Variants in YAF2 observed in about 807,000 individuals in gnomAD.
The protein encoded by YAF2 is YY1-associated factor 2.
Under a neutral mutation model 20.1 loss-of-function variants are expected in YAF2, and 7 were observed. The ratio of observed to expected loss-of-function variants is 0.35; its 90% CI spans 0.20 to 0.65. The LOEUF (loss-of-function observed/expected upper bound fraction) is 0.65, where lower values mean the gene tolerates loss of function less well. YAF2 is among the 30% of genes least tolerant of loss of function. The pLI is 0.69. For synonymous variants in YAF2, 74 were observed against 76.0 expected (o/e 0.97, Z 0.14); for missense variants, 151 against 219.2 (o/e 0.69, Z 1.96).
intron 2 of YAF2, chr12:42,232,826 ACT>A: frequency 2.0e-6 from 2 of 985,346 alleles, no homozygotes; most frequent in Non-Finnish European, 2.4e-6. Context: ...AGCTGAAATA[ACT>A]CACTCTTTTT....
intron 2 of YAF2, among the ~76,000 whole-genome samples, chr12:42,162,124 A>G (rs1270610650): frequency 6.6e-6 from 1 of 152,228 alleles, no homozygotes; most frequent in Non-Finnish European, 1.5e-5. Context: ...TTTCACTGAA[A>G]TAATAATTTA....
intron 2 of YAF2, among the ~76,000 whole-genome samples, chr12:42,214,458 G>C (rs966800042): frequency 6.6e-6 from 1 of 151,824 alleles, no homozygotes; most frequent in African/African-American, 2.4e-5. Context: ...TTTTTGTAGA[G>C]ATGGGGTTTT....
intron 2 of YAF2, among the ~76,000 whole-genome samples, chr12:42,183,068 T>C (rs559226928): frequency 1.3e-5 from 2 of 152,322 alleles, no homozygotes; most frequent in African/African-American, 4.8e-5. Flanking sequence ...TATGGTGATC[T>C]ATGATTGGTG....
intron 2 of YAF2, chr12:42,232,627 T>C (rs1414994859): frequency 3.0e-6 from 3 of 985,306 alleles, no homozygotes; most frequent in African/African-American, 3.5e-5. Context: ...AAAGGACTTA[T>C]GTAGATGGTC....
In YAF2 at chr12:42,234,110, G is replaced by A. The variant is rs556965666; in HGVS notation, c.152+3489C>T. 4.5e-5 allele frequency: 34 copies of A among 748,658 alleles called. 1 individual carries two copies. The East Asian group carries it at 4.3e-3, about 94-fold the overall frequency. The allele number at this position is 748,658 out of a possible 1,614,324, so 46.4% of individuals were successfully genotyped here. On this transcript the variant is annotated intron_variant, in intron 2 of 3. Coordinates refer to ENST00000534854, the MANE Select transcript of YAF2 (RefSeq NM_005748.6). ...TGCTTGAACCTGGGAGGTGGAGGTT[G>A]CAGTGAGCCGAGGTCACGCCACTGT...
At chr12:42,210,770 T>A in intron 2 of YAF2, 1 of 1,133,866 alleles carries the variant, frequency 8.8e-7, no homozygotes, top group Non-Finnish European at 1.2e-6. Flanking sequence ...TAGATAACTA[T>A]ATATACACGT....
At chr12:42,204,868 C>T (rs1366437398) in intron 2 of YAF2, among the ~76,000 whole-genome samples, 5 of 152,000 alleles carry the variant, frequency 3.3e-5, no homozygotes, top group Non-Finnish European at 7.4e-5. Flanking sequence ...CCAGAACAGG[C>T]CAATCTACAG....
chr12:42,211,794 A>G (rs909015957), intron 2 of YAF2, among the ~76,000 whole-genome samples: 2 of 151,382 alleles, frequency 1.3e-5, no homozygotes, highest in Non-Finnish European at 2.9e-5. Flanking sequence ...TGCACCTGTG[A>G]TTCCAGCACT....
chr12:42,159,500 T>A lies in YAF2; in HGVS notation c.*1089A>T. The A allele has an allele frequency of 6.6e-6, 1 of 152,118 alleles. No individual in the cohort carries two copies. Among genetic ancestry groups the A allele is most frequent in the East Asian group, 1.9e-4 (1 of 5,194 alleles). 9.4% of individuals were successfully genotyped at this position (152,118 alleles called of 1,614,324 possible). ...CATAGTATAAGTGGGGCTATACTTT[T>A]TTCCTTTCAGGATACTGAGAAATGT... On this transcript the variant is annotated 3_prime_UTR_variant, in exon 4 of 4. Transcript: ENST00000534854.
intron 2 of YAF2, among the ~76,000 whole-genome samples, chr12:42,197,184 C>A (rs1773048053): frequency 6.6e-6 from 1 of 152,250 alleles, no homozygotes; most frequent in Admixed American, 6.5e-5. Context: ...CCCCAGCCTG[C>A]TGTTTAGCAA....
chr12:42,203,693 T>G (rs557587313), intron 2 of YAF2, among the ~76,000 whole-genome samples: 1 of 152,214 alleles, frequency 6.6e-6, no homozygotes, highest in Non-Finnish European at 1.5e-5. Flanking sequence ...AATATTGAAC[T>G]GTCCTAAACT....
At chr12:42,225,212 GTTGT>G (rs1565653147) in intron 2 of YAF2, among the ~76,000 whole-genome samples, 3 of 152,016 alleles carry the variant, frequency 2.0e-5, no homozygotes, top group South Asian at 4.1e-4. Context: ...TTTTGATGGG[GTTGT>G]TTTTTTTCTT....
intron 2 of YAF2, among the ~76,000 whole-genome samples, chr12:42,182,610 A>T (rs1430202647): frequency 6.6e-6 from 1 of 152,244 alleles, no homozygotes; most frequent in East Asian, 1.9e-4. Flanking sequence ...CCTAATCTTC[A>T]TGTTGCTTTA....
intron 2 of YAF2, among the ~76,000 whole-genome samples, chr12:42,218,840 A>AT (rs1273588944): frequency 6.6e-6 from 1 of 152,178 alleles, no homozygotes; most frequent in East Asian, 1.9e-4. Context: ...CTTAAAAAAA[A>AT]CAAATGTGTC....
intron 2 of YAF2, among the ~76,000 whole-genome samples, chr12:42,162,136 C>A (rs1296801961): frequency 2.0e-5 from 3 of 152,128 alleles, no homozygotes; most frequent in Non-Finnish European, 4.4e-5. Context: ...AATAATTTAT[C>A]CCTCCTTCAG....
At chr12:42,235,788 T>A in intron 2 of YAF2, 1 of 1,535,734 alleles carries the variant, frequency 6.5e-7, no homozygotes, top group Non-Finnish European at 8.7e-7. Flanking sequence ...GGGGCCCCCA[T>A]GTGGGCCTCA....
rs1265529701 is a variant in YAF2 at position 42,158,706 on chromosome 12, A to C, written c.*1883T>G. On this transcript the variant is annotated 3_prime_UTR_variant, in exon 4 of 4. Coordinates refer to ENST00000534854, the MANE Select transcript of YAF2 (RefSeq NM_005748.6). Reference sequence around the variant, plus strand: ...AGTATCTTCCCACCTATGTAGAAATATGAGTATGCTCCATTCAGGTAAAAT... The same window carrying C: ...AGTATCTTCCCACCTATGTAGAAATCTGAGTATGCTCCATTCAGGTAAAAT... 6.6e-6 allele frequency: 1 copy of C among 152,178 alleles called. No homozygotes were observed. Among genetic ancestry groups the C allele is most frequent in the Admixed American group, 6.5e-5 (1 of 15,284 alleles). The allele number at this position is 152,178 out of a possible 1,614,324, so 9.4% of individuals were successfully genotyped here.
At chr12:42,187,474 T>C (rs970387520) in intron 2 of YAF2, among the ~76,000 whole-genome samples, 1 of 152,166 alleles carries the variant, frequency 6.6e-6, no homozygotes, top group Non-Finnish European at 1.5e-5. Flanking sequence ...GTAATCTTTT[T>C]TTTTTTAAAC....
At chr12:42,217,124 T>TA (rs1247440242) in intron 2 of YAF2, among the ~76,000 whole-genome samples, 1 of 152,212 alleles carries the variant, frequency 6.6e-6, no homozygotes, top group Non-Finnish European at 1.5e-5. Context: ...CAAGAGAGAA[T>TA]AAAATCTGTC....
Sources: gnomAD v4.1 joint callset for allele counts (sites outside exome capture counted in the v4.1 genomes callset) on GRCh38, gnomAD v4.1.1 for gene constraint, MANE v1.5 for transcripts, NCBI Gene and HGNC (gene_info 2026-07-23, HGNC 2026-07-21) for gene names.